Variants in PUDP observed in about 807,000 individuals in gnomAD.
PUDP encodes pseudouridine-5'-phosphatase.
In PUDP, 8 loss-of-function variants were observed where a neutral mutation model predicts 9.4. The observed-to-expected ratio is 0.85, with a 90% CI of 0.50 to 1.53. The LOEUF (loss-of-function observed/expected upper bound fraction) is 1.53, where lower values mean the gene tolerates loss of function less well. Ranked by LOEUF, PUDP falls within the 40% of genes most tolerant of loss-of-function variation. PUDP has a pLI of 0.00. For missense variants in PUDP, 188 were observed against 189.7 expected (o/e 0.99, Z 0.05); for synonymous variants, 99 against 80.7 (o/e 1.23, Z -1.22).
At chrX:6,733,577 T>C (rs1031485589) in intron 3 of PUDP, among the ~76,000 whole-genome samples, 19 of 109,125 alleles carry the variant, frequency 1.7e-4, no homozygotes, top group South Asian at 4.0e-4. Context: ...TGAGGGTATT[T>C]GGTATGGGGG....
rs914395761 is a variant in PUDP, at chrX:7,005,567, G to A, written c.205-27224C>T. ...TGGGACCACAAGCATGAACCACCACGCCCAACTAATTTTTATATTTTTGGG... is the reference window on the plus strand; with the variant it reads ...TGGGACCACAAGCATGAACCACCACACCCAACTAATTTTTATATTTTTGGG... On this transcript the variant is annotated intron_variant and NMD_transcript_variant, in intron 1 of 3. Transcript: ENST00000655425. Among the ~76,000 whole-genome samples the A allele has an allele frequency of 7.4e-5, 8 of 108,649 alleles. No individual in the cohort carries two copies. The East Asian group carries it at 2.0e-3, about 28-fold the overall frequency. The allele number at this position is 108,649 out of a possible 115,157, so 94.3% of individuals were successfully genotyped here.
chrX:6,724,771 T>C (rs1924720262), upstream of PUDP, among the ~76,000 whole-genome samples: 1 of 111,128 alleles, frequency 9.0e-6, no homozygotes, highest in Admixed American at 9.7e-5. Flanking sequence ...CTTGGAGAAA[T>C]ATTTGTAAGA....
At chrX:6,900,335 G>T (rs1281630550) in intron 3 of PUDP, among the ~76,000 whole-genome samples, 1 of 106,301 alleles carries the variant, frequency 9.4e-6, no homozygotes, top group African/African-American at 3.5e-5. Flanking sequence ...TTGGGGGGGG[G>T]GGCGCTGCTA....
intron 3 of PUDP, among the ~76,000 whole-genome samples, chrX:7,071,643 T>C (rs1359230602): frequency 1.8e-5 from 2 of 111,210 alleles, no homozygotes; most frequent in African/African-American, 6.5e-5. Context: ...GAGTGAACTT[T>C]TGGTCTGACT....
At chrX:6,742,332 A>G (rs1191212889) in intron 3 of PUDP, among the ~76,000 whole-genome samples, 3 of 112,814 alleles carry the variant, frequency 2.7e-5, no homozygotes, top group Non-Finnish European at 3.7e-5. Flanking sequence ...TGTTTTTATG[A>G]ATACAGTTTT....
intron 3 of PUDP, among the ~76,000 whole-genome samples, chrX:6,726,923 A>C (rs1352845790): frequency 1.8e-5 from 2 of 112,196 alleles, no homozygotes; most frequent in Admixed American, 1.9e-4. Context: ...GCATGAGAGG[A>C]GAAGTGCTAA....
intron 3 of PUDP, among the ~76,000 whole-genome samples, chrX:6,945,708 T>A (rs907506632): frequency 9.0e-6 from 1 of 110,813 alleles, no homozygotes; most frequent in Non-Finnish European, 1.9e-5. Flanking sequence ...AATGCATAAA[T>A]TGAAAAAAAA....
At chrX:7,081,753 T>C (rs1363394341) in intron 2 of PUDP, among the ~76,000 whole-genome samples, 1 of 113,150 alleles carries the variant, frequency 8.8e-6, no homozygotes, top group Non-Finnish European at 1.9e-5. Flanking sequence ...AATTTTGTCA[T>C]CTGTCAAAGA....
chrX:6,998,479 C>T (rs1323920984), intron 1 of PUDP, among the ~76,000 whole-genome samples: 2 of 110,230 alleles, frequency 1.8e-5, no homozygotes, highest in Non-Finnish European at 3.8e-5. Context: ...GAAAAATAAT[C>T]AGGGCAATTG....
intron 1 of PUDP, among the ~76,000 whole-genome samples, chrX:6,710,947 G>C (rs1012492960): frequency 5.4e-5 from 6 of 111,464 alleles, no homozygotes; most frequent in African/African-American, 2.0e-4. Context: ...TTGAAGACTG[G>C]GTTCCATGGA....
chrX:7,027,837 TCTATATATAGA>T (rs1266004808), intron 1 of PUDP, among the ~76,000 whole-genome samples: 14 of 90,868 alleles, frequency 1.5e-4, no homozygotes, highest in East Asian at 3.4e-4. Context: ...TATACTATAT[TCTATATATAGA>T]CTATATATAG....
At chrX:6,959,371 G>C in intron 3 of PUDP, among the ~76,000 whole-genome samples, 1 of 111,723 alleles carries the variant, frequency 9.0e-6, no homozygotes, top group East Asian at 2.9e-4. Context: ...TGCTCCTCAG[G>C]TGCCCCAGCT....
chrX:6,892,124 T>C (rs1287131559), intron 3 of PUDP, among the ~76,000 whole-genome samples: 1 of 112,179 alleles, frequency 8.9e-6, no homozygotes, highest in African/African-American at 3.2e-5. Context: ...AAACAACAAA[T>C]GCATTTTTTA....
At chrX:6,816,559 A>G (rs1926239287) in intron 3 of PUDP, among the ~76,000 whole-genome samples, 1 of 101,952 alleles carries the variant, frequency 9.8e-6, no homozygotes, top group Admixed American at 1.1e-4. Context: ...TAGTATGCAT[A>G]TTATATACAT....
intron 3 of PUDP, among the ~76,000 whole-genome samples, chrX:6,793,368 C>T (rs1168207030): frequency 1.8e-5 from 2 of 111,645 alleles, no homozygotes; most frequent in Non-Finnish European, 3.8e-5. Flanking sequence ...CTCACATGAC[C>T]TAATCACCTC....
chrX:6,903,945 T>TA (rs1927728524), intron 3 of PUDP, among the ~76,000 whole-genome samples: 2 of 101,079 alleles, frequency 2.0e-5, no homozygotes, highest in Non-Finnish European at 4.0e-5. Flanking sequence ...TTAAAAAATA[T>TA]ATATATATTT....
At chrX:6,742,807 AAC>A (rs1454200392) in intron 3 of PUDP, among the ~76,000 whole-genome samples, 3 of 111,837 alleles carry the variant, frequency 2.7e-5, no homozygotes, top group African/African-American at 9.8e-5. Context: ...ACCAAAAACA[AAC>A]ACAAAAAAAT....
intron 1 of PUDP, among the ~76,000 whole-genome samples, chrX:6,998,014 T>C (rs1330949822): frequency 1.8e-5 from 2 of 112,002 alleles, no homozygotes; most frequent in African/African-American, 6.5e-5. Context: ...TTGTATCTCC[T>C]TTGGAGCTAA....
At chrX:6,845,293 C>T (rs1926728961) in intron 3 of PUDP, among the ~76,000 whole-genome samples, 1 of 111,645 alleles carries the variant, frequency 9.0e-6, no homozygotes, top group African/African-American at 3.3e-5. Context: ...TATTGAGAAG[C>T]GTGAAGCTGG....
Sources: gnomAD v4.1 joint callset for allele counts (sites outside exome capture counted in the v4.1 genomes callset) on GRCh38, gnomAD v4.1.1 for gene constraint, MANE v1.5 for transcripts, NCBI Gene and HGNC (gene_info 2026-07-23, HGNC 2026-07-21) for gene names.